NIPA1: variants seen among roughly 807,000 people sequenced by gnomAD.
The protein encoded by NIPA1 is NIPA magnesium transporter 1, also known as magnesium transporter NIPA1.
A neutral mutation model predicts 23.9 loss-of-function variants in NIPA1; 13 were observed. The ratio of observed to expected loss-of-function variants is 0.54; its 90% CI spans 0.35 to 0.87. The LOEUF is 0.87. Ranked by LOEUF, NIPA1 falls within the 40% of genes least tolerant of loss-of-function variation. NIPA1 has a pLI of 0.01. For synonymous variants in NIPA1, 234 were observed against 202.9 expected, an observed-to-expected ratio of 1.15 and a Z score of -1.30; for missense variants, 362 against 429.7, an observed-to-expected ratio of 0.84 and a Z score of 1.39.
intron 3 of NIPA1, among the ~76,000 whole-genome samples, chr15:22,816,178 ATTTTTTTTTTTTTT>A (rs71117481): frequency 2.6e-5 from 2 of 77,458 alleles, no homozygotes; most frequent in East Asian, 5.4e-4. Flanking sequence ...AGAAGACCTG[ATTTTTTTTTTTTTT>A]TTTTTTTTTT....
At position 22,786,722 on chromosome 15, in the gene NIPA1, C is replaced by T. The variant is rs1165960819; in HGVS notation, c.66C>T (p.Ser22=). The part of the protein sequence containing the change: ...AAAAAGEGAR[S]PSPAAVSLGL... Reference sequence around the variant, plus strand: ...CGGCGGCCGGGGAGGGGGCGCGTAGCCCGAGCCCCGCCGCCGTGTCGCTCG... The same window carrying T: ...CGGCGGCCGGGGAGGGGGCGCGTAGTCCGAGCCCCGCCGCCGTGTCGCTCG... Residue 22 remains serine, a synonymous_variant, in exon 1 of 5, where the codon AGC becomes AGT. Transcript: ENST00000337435. 2.4e-6 allele frequency: 3 copies of T among 1,225,474 alleles called. No individual in the cohort carries two copies. Among genetic ancestry groups the T allele is most frequent in the Admixed American group, 2.7e-5 (1 of 36,500 alleles). The allele number at this position is 1,225,474 out of a possible 1,614,324, so 75.9% of individuals were successfully genotyped here.
At chr15:22,795,140 A>G (rs1595631402) in intron 1 of NIPA1, among the ~76,000 whole-genome samples, 1 of 152,226 alleles carries the variant, frequency 6.6e-6, no homozygotes, top group Non-Finnish European at 1.5e-5. Context: ...AACAGAATCT[A>G]GAGTTACTGC....
In NIPA1 at chr15:22,793,357, CAAAAAAAAAAA is replaced by C. The variant is rs1163603849; in HGVS notation, c.178+6534_178+6544del. Among the ~76,000 whole-genome samples, 7 of 73,094 alleles carry C rather than the reference CAAAAAAAAAAA, an allele frequency of 9.6e-5. No individual in the cohort carries two copies. In the South Asian group the frequency reaches 3.0e-3, roughly 32 times the overall value. The allele number at this position is 73,094 out of a possible 152,430, so 48.0% of individuals were successfully genotyped here. ...CAGGCTACGGAGTGAGACTGTGTCT[CAAAAAAAAAAA>C]AAAAAAAAAAGAGAATACATGGTAT... On this transcript the variant is annotated intron_variant, in intron 1 of 4. Coordinates refer to ENST00000337435, the MANE Select transcript of NIPA1 (RefSeq NM_144599.5).
intron 1 of NIPA1, among the ~76,000 whole-genome samples, chr15:22,804,941 A>AT (rs1450097687): frequency 1.3e-5 from 2 of 151,868 alleles, no homozygotes; most frequent in Non-Finnish European, 2.9e-5. Flanking sequence ...GGTTCACACC[A>AT]TTCTCCTGCC....
intron 3 of NIPA1, 57 bp downstream of exon 3, chr15:22,812,310 C>A: frequency 7.9e-7 from 1 of 1,264,204 alleles, no homozygotes; most frequent in Non-Finnish European, 1.2e-6. Context: ...AACAACTTTT[C>A]ATTTTAAATG....
At chr15:22,816,647 C>T (rs951934926) in intron 3 of NIPA1, among the ~76,000 whole-genome samples, 6 of 150,662 alleles carry the variant, frequency 4.0e-5, no homozygotes, top group Non-Finnish European at 5.9e-5. Context: ...CCCACCACCA[C>T]GCCCAGCTAA....
intron 1 of NIPA1, among the ~76,000 whole-genome samples, 188 bp downstream of exon 1, chr15:22,787,022 C>A (rs1473305063): frequency 2.6e-5 from 4 of 151,788 alleles, no homozygotes; most frequent in South Asian, 2.1e-4. Context: ...TCCTGGCGCT[C>A]GGGCCCGGGA....
chr15:22,789,990 C>G (rs1894795022), intron 1 of NIPA1, among the ~76,000 whole-genome samples: 1 of 152,138 alleles, frequency 6.6e-6, no homozygotes, highest in African/African-American at 2.4e-5. Flanking sequence ...GACGGGGTTT[C>G]ACCATGTTGG....
intron 1 of NIPA1, among the ~76,000 whole-genome samples, chr15:22,797,565 G>C (rs911657355): frequency 2.3e-5 from 3 of 132,214 alleles, no homozygotes; most frequent in African/African-American, 9.1e-5. Context: ...GAGTGCAATG[G>C]TGCAATCTCG....
intron 1 of NIPA1, among the ~76,000 whole-genome samples, chr15:22,789,672 A>G (rs901525649): frequency 5.3e-5 from 8 of 152,198 alleles, no homozygotes; most frequent in African/African-American, 1.7e-4. Context: ...TGTGGCACCA[A>G]AGTATGTTAC....
At chr15:22,817,665 C>T (rs1337179799) in intron 3 of NIPA1, among the ~76,000 whole-genome samples, 3 of 151,436 alleles carry the variant, frequency 2.0e-5, no homozygotes, top group Admixed American at 6.6e-5. Flanking sequence ...ATTAGCCGGG[C>T]GTAGTGGCAG....
In NIPA1 at chr15:22,824,430, A is replaced by G. The variant is rs573982973; in HGVS notation, c.*191A>G. Reference sequence around the variant, plus strand: ...GGCCCAGCCAGCCCTCTGCAGCCCAAACGTCCCCAACGGTTGCCTGGCACC... The same window carrying G: ...GGCCCAGCCAGCCCTCTGCAGCCCAGACGTCCCCAACGGTTGCCTGGCACC... On this transcript the variant is annotated 3_prime_UTR_variant, in exon 5 of 5. Transcript: ENST00000337435. The surrounding 1 kb of genome is among the most constrained non-coding windows in gnomAD (Gnocchi z 4.1). The G allele has an allele frequency of 1.3e-4, 78 of 607,106 alleles. No homozygotes were observed. The South Asian group carries it at 1.5e-3, about 11-fold the overall frequency. The allele number at this position is 607,106 out of a possible 1,614,324, so 37.6% of individuals were successfully genotyped here. A position where few individuals can be genotyped will look rare whatever the true frequency, so the allele number is the denominator to read the frequency against.
chr15:22,791,140 G>A (rs1894816167), intron 1 of NIPA1, among the ~76,000 whole-genome samples: 1 of 152,050 alleles, frequency 6.6e-6, no homozygotes. Context: ...CTGTATCAGT[G>A]GCACTGGGTG....
intron 1 of NIPA1, among the ~76,000 whole-genome samples, chr15:22,806,813 A>G (rs1268747133): frequency 4.6e-5 from 7 of 152,110 alleles, no homozygotes; most frequent in Non-Finnish European, 1.0e-4. Flanking sequence ...GAGGAGGGAA[A>G]ATGGAGCAGC....
intron 2 of NIPA1, among the ~76,000 whole-genome samples, chr15:22,811,617 G>A (rs1313522632): frequency 1.3e-5 from 2 of 152,212 alleles, no homozygotes; most frequent in South Asian, 2.1e-4. Flanking sequence ...AGAAAAAAAA[G>A]AAACATCATG....
chr15:22,806,121 C>T (rs1263110820), intron 1 of NIPA1, among the ~76,000 whole-genome samples: 1 of 152,154 alleles, frequency 6.6e-6, no homozygotes, highest in Non-Finnish European at 1.5e-5. Flanking sequence ...GACGGGGTTT[C>T]ACCGTGTTAG....
chr15:22,815,949 G>A (rs375206705), intron 3 of NIPA1, among the ~76,000 whole-genome samples: 3 of 152,094 alleles, frequency 2.0e-5, no homozygotes, highest in African/African-American at 7.2e-5. Flanking sequence ...TTCCTAAACT[G>A]ACAAAGGGCC....
intron 1 of NIPA1, among the ~76,000 whole-genome samples, chr15:22,802,852 A>G (rs561390015): frequency 1.4e-4 from 21 of 152,208 alleles, no homozygotes; most frequent in African/African-American, 5.1e-4. Context: ...TTGAAGATTC[A>G]TCGTGATGTG....
In NIPA1 at chr15:22,827,020, G is replaced by A. The variant is rs192859420; in HGVS notation, c.*2781G>A. ...AAAAAGCCCCAAAGTGAGAACTTTG[G>A]GGGAGGGCCTAGAACATGGATAGAT... On this transcript the variant is annotated 3_prime_UTR_variant, in exon 5 of 5. Transcript: ENST00000337435. 1 of 151,896 alleles carries A rather than the reference G, an allele frequency of 6.6e-6. No individual in the cohort carries two copies. The highest frequency in any genetic ancestry group is 1.5e-5 in the Non-Finnish European group (1 of 67,966). The allele number at this position is 151,896 out of a possible 1,614,324, so 9.4% of individuals were successfully genotyped here.
Sources: allele counts gnomAD v4.1 joint callset (sites outside exome capture counted in the v4.1 genomes callset), GRCh38; gene constraint gnomAD v4.1.1; non-coding constraint Gnocchi (gnomAD v3.1); transcripts MANE v1.5; gene names NCBI Gene and HGNC (gene_info 2026-07-23, HGNC 2026-07-21).